ACTR3B: variants seen among roughly 807,000 people sequenced by gnomAD.
ACTR3B encodes the protein actin related protein 3B.
ACTR3B carries 8 observed loss-of-function variants against 59.0 expected under a neutral mutation model. That is an observed-to-expected ratio of 0.14 (90% CI 0.08 to 0.24). The LOEUF is 0.24. ACTR3B is among the 10% of genes least tolerant of loss of function. The probability of loss-of-function intolerance (pLI) is 1.00; values close to 1 mark genes in which losing one functional copy is unlikely to be tolerated. For missense variants in ACTR3B, 245 were observed against 552.3 expected, an observed-to-expected ratio of 0.44 and a Z score of 5.58; for synonymous variants, 148 against 197.9, an observed-to-expected ratio of 0.75 and a Z score of 2.12.
At chr7:152,778,943 C>CAAAAAAAAAAAAAAAAAAAA (rs59789390) in intron 1 of ACTR3B, among the ~76,000 whole-genome samples, 1 of 36,798 alleles carries the variant, frequency 2.7e-5, no homozygotes, top group Non-Finnish European at 4.4e-5. Context: ...ACTGTGTCTC[C>CAAAAAAAAAAAAAAAAAAAA]AAAAAAAAAA....
chr7:152,832,964 A>G (rs1378686974), intron 9 of ACTR3B, among the ~76,000 whole-genome samples: 1 of 152,190 alleles, frequency 6.6e-6, no homozygotes, highest in African/African-American at 2.4e-5. Flanking sequence ...GCCCTGGCCA[A>G]GTTGACACAC....
At chr7:152,812,405 T>C (rs1187256412) in intron 4 of ACTR3B, 2 of 103,980 alleles carry the variant, frequency 1.9e-5, no homozygotes, top group Non-Finnish European at 4.6e-5. Context: ...CTTTCTGCAT[T>C]CTTCTTGAGT....
chr7:152,762,560 C>CTT (rs1180516520), intron 1 of ACTR3B, among the ~76,000 whole-genome samples: 1 of 152,168 alleles, frequency 6.6e-6, no homozygotes, highest in Non-Finnish European at 1.5e-5. Context: ...TGAATGCGTA[C>CTT]TTTCTGAGGA....
chr7:152,794,781 C>T (rs2098210037), intron 2 of ACTR3B, among the ~76,000 whole-genome samples: 2 of 152,184 alleles, frequency 1.3e-5, no homozygotes, highest in East Asian at 3.9e-4. Flanking sequence ...CATGTTCAGC[C>T]CAAGATCTCC....
chr7:152,801,710 T>C lies in ACTR3B; in HGVS notation c.315T>C (p.Pro105=). The C allele has an allele frequency of 7.3e-7, 1 of 1,371,848 alleles. No homozygotes were observed. The highest frequency in any genetic ancestry group is 1.3e-5 in the South Asian group (1 of 78,708). 85.0% of individuals were successfully genotyped at this position (1,371,848 alleles called of 1,614,324 possible). A position where few individuals can be genotyped will look rare whatever the true frequency, so the allele number is the denominator to read the frequency against. ...TTTTTAAATATCTTCGAGCTGAACC[T>C]GAGGACCATTATTTTTTAATGGTGA... ...QVVFKYLRAE[P]EDHYFLMTEP... Residue 105 remains proline (P), a synonymous_variant, in exon 4 of 12, where the codon CCT becomes CCC. Transcript: ENST00000256001.
intron 1 of ACTR3B, among the ~76,000 whole-genome samples, chr7:152,765,638 C>T (rs1414707448): frequency 6.6e-6 from 1 of 152,006 alleles, no homozygotes; most frequent in African/African-American, 2.4e-5. Flanking sequence ...TTTGAATAAT[C>T]AGCTATCATG....
chr7:152,809,424 C>CT (rs1372109174), intron 4 of ACTR3B, among the ~76,000 whole-genome samples: 1 of 152,144 alleles, frequency 6.6e-6, no homozygotes, highest in East Asian at 1.9e-4. Context: ...CCCCTCGCCT[C>CT]TTTCCTGCCT....
At chr7:152,761,221 C>T (rs1342234485) in intron 1 of ACTR3B, among the ~76,000 whole-genome samples, 2 of 152,162 alleles carry the variant, frequency 1.3e-5, no homozygotes, top group Non-Finnish European at 2.9e-5. Flanking sequence ...AAGCCAAAAT[C>T]AGCGTTGTCG....
intron 1 of ACTR3B, among the ~76,000 whole-genome samples, chr7:152,782,812 T>C (rs2098158846): frequency 6.6e-6 from 1 of 152,100 alleles, no homozygotes; most frequent in Admixed American, 6.6e-5. Context: ...AATCAACTTC[T>C]CAGTGCCTCC....
At chr7:152,808,064 A>AT (rs886362512) in intron 4 of ACTR3B, among the ~76,000 whole-genome samples, 24 of 152,084 alleles carry the variant, frequency 1.6e-4, no homozygotes, top group Non-Finnish European at 3.1e-4. Context: ...TGGAATGCCC[A>AT]TTTTACTTTC....
intron 2 of ACTR3B, among the ~76,000 whole-genome samples, chr7:152,789,726 A>G (rs1369432493): frequency 6.6e-6 from 1 of 151,980 alleles, no homozygotes; most frequent in African/African-American, 2.4e-5. Flanking sequence ...TAGAACTTCT[A>G]TTAAAATAGT....
intron 2 of ACTR3B, among the ~76,000 whole-genome samples, chr7:152,798,277 C>G (rs977489081): frequency 6.6e-6 from 1 of 152,068 alleles, no homozygotes; most frequent in Non-Finnish European, 1.5e-5. Flanking sequence ...TGCATTTCCC[C>G]AATGATTAGT....
At chr7:152,848,614 G>A (rs189116284) in intron 9 of ACTR3B, among the ~76,000 whole-genome samples, 280 of 152,174 alleles carry the variant, frequency 1.8e-3, no homozygotes, top group African/African-American at 6.0e-3. Flanking sequence ...GAATATCATC[G>A]GCCAGCGTGG....
At chr7:152,760,173 G>A (rs542563186) in intron 1 of ACTR3B, among the ~76,000 whole-genome samples, 1 of 152,096 alleles carries the variant, frequency 6.6e-6, no homozygotes, top group Non-Finnish European at 1.5e-5. Context: ...TGCCCACTCT[G>A]AGCGAGCCCG....
chr7:152,791,616 GTA>G (rs1278427217), intron 2 of ACTR3B, among the ~76,000 whole-genome samples: 1 of 152,198 alleles, frequency 6.6e-6, no homozygotes, highest in African/African-American at 2.4e-5. Flanking sequence ...CAATGTGTGT[GTA>G]TAGTTCTATG....
At chr7:152,761,026 G>A (rs761768561) in intron 1 of ACTR3B, among the ~76,000 whole-genome samples, 3 of 152,064 alleles carry the variant, frequency 2.0e-5, no homozygotes, top group Non-Finnish European at 2.9e-5. Flanking sequence ...ACCTTGTGGG[G>A]GTGCCTTCTT....
intron 9 of ACTR3B, among the ~76,000 whole-genome samples, chr7:152,844,397 AT>A (rs1481837199): frequency 6.6e-6 from 1 of 152,122 alleles, no homozygotes; most frequent in Non-Finnish European, 1.5e-5. Context: ...TTTTAAAAAA[AT>A]CTATTACATT....
intron 9 of ACTR3B, among the ~76,000 whole-genome samples, chr7:152,831,417 T>A (rs1160669949): frequency 3.9e-5 from 6 of 152,096 alleles, no homozygotes; most frequent in Non-Finnish European, 7.4e-5. Flanking sequence ...GACAGGAGTG[T>A]GAGGATCTGG....
At chr7:152,762,993 CT>C (rs1369137918) in intron 1 of ACTR3B, among the ~76,000 whole-genome samples, 3 of 152,180 alleles carry the variant, frequency 2.0e-5, no homozygotes, top group African/African-American at 7.2e-5. Flanking sequence ...GGTTTCTTCA[CT>C]GTTCAGTTAC....
Sources: allele counts gnomAD v4.1 joint callset (sites outside exome capture counted in the v4.1 genomes callset), GRCh38; gene constraint gnomAD v4.1.1; transcripts MANE v1.5; gene names NCBI Gene and HGNC (gene_info 2026-07-23, HGNC 2026-07-21).